IGSF5: variants seen among roughly 807,000 people sequenced by gnomAD.
The protein encoded by IGSF5 is immunoglobulin superfamily member 5.
IGSF5 carries 41 observed loss-of-function variants against 39.4 expected under a neutral mutation model. That is an observed-to-expected ratio of 1.04 (90% CI 0.81 to 1.35). The LOEUF (loss-of-function observed/expected upper bound fraction) is 1.35, where lower values mean the gene tolerates loss of function less well. Among genes scored for constraint, IGSF5 ranks in the 40% most tolerant of loss-of-function variants. IGSF5 has a pLI of 0.00. For missense variants in IGSF5, 487 were observed against 494.6 expected (o/e 0.98, Z 0.15); for synonymous variants, 183 against 175.3 (o/e 1.04, Z -0.34).
chr21:39,731,380 G>A, the IGSF5 span, among the ~76,000 whole-genome samples: 1 of 152,170 alleles, frequency 6.6e-6, no homozygotes, highest in South Asian at 2.1e-4. Flanking sequence ...TGTGGCTGTG[G>A]TATAAGTCCT....
At chr21:39,764,591 C>T (rs760051401) in intron 2 of IGSF5, among the ~76,000 whole-genome samples, 6 of 152,192 alleles carry the variant, frequency 3.9e-5, no homozygotes, top group Admixed American at 1.3e-4. Flanking sequence ...CCGCCCTCTT[C>T]GGCCTCCCAA....
At chr21:39,729,014 T>C in the IGSF5 span, 1 of 152,222 alleles carries the variant, frequency 6.6e-6, no homozygotes, top group Admixed American at 6.5e-5. Context: ...ACTTTCTCTG[T>C]AGGTTCCAAC....
At chr21:39,792,144 G>A (rs1319691218) in intron 7 of IGSF5, 45 bp downstream of exon 7, 1 of 1,332,416 alleles carries the variant, frequency 7.5e-7, no homozygotes, top group South Asian at 1.3e-5. Context: ...GAAAGAGAGA[G>A]CTGGAAGAAG....
rs1056044172 is a variant in IGSF5 at position 39,802,016 on chromosome 21, C to T, written c.*659C>T. On this transcript the variant is annotated 3_prime_UTR_variant, in exon 9 of 9. Transcript: ENST00000380588. ...TGCAGAGGATGGACCTCACCTACTC[C>T]GCACACCGTGAAAAAACTGGAAATG... is the stretch of plus-strand genomic sequence containing the variant. 9 of 152,136 alleles carry T rather than the reference C, an allele frequency of 5.9e-5. No homozygotes were observed. The highest frequency in any genetic ancestry group is 3.3e-4 in the Admixed American group (5 of 15,276). 9.4% of individuals were successfully genotyped at this position (152,136 alleles called of 1,614,324 possible).
intron 3 of IGSF5, among the ~76,000 whole-genome samples, chr21:39,766,259 A>G (rs1272746196): frequency 5.9e-5 from 9 of 152,148 alleles, no homozygotes; most frequent in Non-Finnish European, 1.2e-4. Flanking sequence ...TAAGACTGAT[A>G]GAGACAGATT....
upstream of IGSF5, among the ~76,000 whole-genome samples, chr21:39,743,968 C>T (rs1351549040): frequency 5.3e-5 from 8 of 152,012 alleles, no homozygotes; most frequent in Non-Finnish European, 1.0e-4. Context: ...TTGGGGGGAA[C>T]GTTTCCCATC....
In IGSF5 at chr21:39,790,061, A is replaced by C. The variant is rs536275671; in HGVS notation, c.956+1873A>C. ...AATTCACAGCTAGAACATCCTCAGC[A>C]TCCCCAAAGCCCCCTAGACCCCGGT... On this transcript the variant is annotated intron_variant, in intron 6 of 8. Transcript: ENST00000380588. Among the ~76,000 whole-genome samples the C allele has an allele frequency of 4.6e-5, 7 of 152,304 alleles. 1 individual carries two copies. The highest frequency in any genetic ancestry group is 1.7e-4 in the African/African-American group (7 of 41,568).
the IGSF5 span, among the ~76,000 whole-genome samples, chr21:39,737,484 C>T: frequency 1.1e-4 from 16 of 152,216 alleles, no homozygotes; most frequent in African/African-American, 3.6e-4. Flanking sequence ...GCCTCCAGAA[C>T]TTCTGACCGA....
chr21:39,758,185 AGACAAGGGCCACAGG>A (rs2080042409), intron 2 of IGSF5, among the ~76,000 whole-genome samples: 1 of 152,008 alleles, frequency 6.6e-6, no homozygotes, highest in African/African-American at 2.4e-5. Flanking sequence ...TGTAGGGGGA[AGACAAGGGCCACAGG>A]AGGCCGCTGG....
chr21:39,734,804 G>C, the IGSF5 span, among the ~76,000 whole-genome samples: 1 of 152,130 alleles, frequency 6.6e-6, no homozygotes, highest in African/African-American at 2.4e-5. Flanking sequence ...TTACTGATAG[G>C]AAGCAAAGGT....
intron 7 of IGSF5, among the ~76,000 whole-genome samples, chr21:39,792,903 G>A (rs775817696): frequency 6.6e-6 from 1 of 152,132 alleles, no homozygotes; most frequent in Non-Finnish European, 1.5e-5. Context: ...ACAGGCTGCT[G>A]GGAACACCAA....
intron 6 of IGSF5, among the ~76,000 whole-genome samples, chr21:39,788,893 T>C (rs1416163264): frequency 2.0e-5 from 3 of 152,198 alleles, no homozygotes; most frequent in Non-Finnish European, 4.4e-5. Flanking sequence ...TTTATTAGAA[T>C]ATTTACATTT....
At chr21:39,721,627 T>A in the IGSF5 span, among the ~76,000 whole-genome samples, 1 of 152,046 alleles carries the variant, frequency 6.6e-6, no homozygotes, top group East Asian at 1.9e-4. Context: ...ATTGAATAAT[T>A]GGGGACTAGA....
chr21:39,769,744 T>C (rs1171709715), intron 3 of IGSF5, among the ~76,000 whole-genome samples: 3 of 152,170 alleles, frequency 2.0e-5, no homozygotes, highest in Non-Finnish European at 4.4e-5. Flanking sequence ...AAAAATGTGA[T>C]TCGTTTCCAT....
the IGSF5 span, among the ~76,000 whole-genome samples, chr21:39,736,083 T>C: frequency 6.6e-6 from 1 of 152,214 alleles, no homozygotes; most frequent in Non-Finnish European, 1.5e-5. Context: ...TACCAGCCTC[T>C]TTTAACTTCC....
intron 2 of IGSF5, among the ~76,000 whole-genome samples, chr21:39,746,800 A>G (rs969864427): frequency 6.6e-6 from 1 of 152,194 alleles, no homozygotes; most frequent in Non-Finnish European, 1.5e-5. Flanking sequence ...CATTATTATT[A>G]TTAGCTATCA....
chr21:39,720,533 A>T, the IGSF5 span, among the ~76,000 whole-genome samples: 5 of 152,310 alleles, frequency 3.3e-5, no homozygotes, highest in Non-Finnish European at 5.9e-5. Flanking sequence ...ATTGAGAAAC[A>T]TTCAACAGGA....
chr21:39,742,575 C>T (rs530011207), upstream of IGSF5, among the ~76,000 whole-genome samples: 1 of 152,368 alleles, frequency 6.6e-6, no homozygotes, highest in African/African-American at 2.4e-5. Flanking sequence ...CCTTCATCCC[C>T]TGGGGCAGTG....
chr21:39,749,101 ATAGAGT>A (rs2079990823), intron 2 of IGSF5, among the ~76,000 whole-genome samples: 1 of 152,374 alleles, frequency 6.6e-6, no homozygotes, highest in South Asian at 2.1e-4. Context: ...TGGCTCATTA[ATAGAGT>A]TAAAGAGTTA....
Sources: allele counts gnomAD v4.1 joint callset (sites outside exome capture counted in the v4.1 genomes callset), GRCh38; gene constraint gnomAD v4.1.1; transcripts MANE v1.5; gene names NCBI Gene and HGNC (gene_info 2026-07-23, HGNC 2026-07-21).